The following VWCE variants were observed in gnomAD, a reference collection of about 807,000 sequenced individuals.
The protein encoded by VWCE is von Willebrand factor C and EGF domains.
VWCE carries 68 observed loss-of-function variants against 102.9 expected under a neutral mutation model. That is an observed-to-expected ratio of 0.66 (90% CI 0.54 to 0.81). VWCE has a LOEUF of 0.81. Ranked by LOEUF, VWCE falls within the 30% of genes least tolerant of loss-of-function variation. The pLI is 0.00. For missense variants in VWCE, 1,137 were observed against 1,263.6 expected (o/e 0.90, Z 1.52); for synonymous variants, 497 against 515.4 (o/e 0.96, Z 0.48).
rs779937805 is a variant in VWCE, at chr11:61,259,039, G to T, written c.2504C>A (p.Pro835Gln). Residue 835 changes from proline to glutamine, a missense_variant, in exon 20 of 20, where the codon CCA becomes CAA. Around this residue, in one of 5 missense-constraint regions of VWCE, gnomAD observed 316 missense variants for 319.3 expected, o/e 0.99. Transcript: ENST00000335613. Reference sequence around the variant, plus strand: ...TCGAGGGGAGGCCCCAGGCTCCCCTGGGAAAGTGGCTGTCAGCCCCAAAGC... The same window carrying T: ...TCGAGGGGAGGCCCCAGGCTCCCCTTGGAAAGTGGCTGTCAGCCCCAAAGC... The part of the protein sequence containing the change: ...SLALGLTATF[P>Q]GEPGASPRLS... The T allele has an allele frequency of 6.2e-7, 1 of 1,613,952 alleles. No homozygotes were observed. The highest frequency in any genetic ancestry group is 1.7e-5 in the Admixed American group (1 of 60,020).
chr11:61,267,447 C>T lies in VWCE; in HGVS notation c.1965+15G>A, dbSNP rs1854545713. 1 of 1,613,696 alleles carries T rather than the reference C, an allele frequency of 6.2e-7. No homozygotes were observed. Among genetic ancestry groups the T allele is most frequent in the Non-Finnish European group, 8.5e-7 (1 of 1,179,786 alleles). ...GAGTTTCCAGGGGCGGGAGTCAGATCTGGGTGGTCCATACCAGGCAGATGC... is the reference window on the plus strand; with the variant it reads ...GAGTTTCCAGGGGCGGGAGTCAGATTTGGGTGGTCCATACCAGGCAGATGC... On this transcript the variant is annotated intron_variant, in intron 16 of 19. Coordinates refer to ENST00000335613, the MANE Select transcript of VWCE (RefSeq NM_152718.2).
rs758446878 is a variant in VWCE, at chr11:61,281,026, G to A, written c.997C>T (p.Pro333Ser). 6 of 1,574,014 alleles carry A rather than the reference G, an allele frequency of 3.8e-6. No homozygotes were observed. The East Asian group carries it at 1.3e-4, about 35-fold the overall frequency. ...PRLPTSSPSA[P>S]VWLLSTLLAT... is the part of the protein sequence containing the mutation. The stretch of plus-strand genomic sequence containing the variant: ...AGCAGGGTGGACAGCAGCCACACAG[G>A]GGCAGAAGGGGAGGATGTGGGTAGT... The change falls in exon 8 of 20, where the codon CCT becomes TCT. Residue 333 changes from proline to serine, a missense_variant. Pro to Ser is a moderately conservative substitution (Grantham distance 74, BLOSUM62 -1). Transcript: ENST00000335613.
At chr11:61,287,137 A>T (rs1247021084) in intron 4 of VWCE, among the ~76,000 whole-genome samples, 4 of 152,112 alleles carry the variant, frequency 2.6e-5, no homozygotes. Context: ...TCTCCCTTGC[A>T]CGGCCCTCTC....
chr11:61,294,622 C>A lies in VWCE; in HGVS notation c.110+306G>T, dbSNP rs1175845243. On this transcript the variant is annotated intron_variant, in intron 1 of 19. Coordinates refer to ENST00000335613, the MANE Select transcript of VWCE (RefSeq NM_152718.2). The surrounding 1 kb of genome is among the most constrained non-coding windows in gnomAD (Gnocchi z 6.3). ...CCAGTCCGGAGACCAGATGGCACGT[C>A]CTGGGCTCCCCTCTCCAGAGGTCCG... Among the ~76,000 whole-genome samples, 2 of 152,136 alleles carry A rather than the reference C, an allele frequency of 1.3e-5. No homozygotes were observed. Among genetic ancestry groups the A allele is most frequent in the African/African-American group, 2.4e-5 (1 of 41,444 alleles).
Position 61,265,225 on chromosome 11 carries a change from G to A in VWCE, c.1966-13C>T. On this transcript the variant is annotated splice_polypyrimidine_tract_variant and intron_variant, in intron 16 of 19. Coordinates refer to ENST00000335613, the MANE Select transcript of VWCE (RefSeq NM_152718.2). Reference sequence around the variant, plus strand: ...CCACTGAGCCCAGCTGCAGGACACAGAAAACACACAAGGCCCTCGGTTCAG... The same window carrying A: ...CCACTGAGCCCAGCTGCAGGACACAAAAAACACACAAGGCCCTCGGTTCAG... 6.8e-7 allele frequency: 1 copy of A among 1,467,762 alleles called. No individual in the cohort carries two copies. Among genetic ancestry groups the A allele is most frequent in the Non-Finnish European group, 9.0e-7 (1 of 1,107,742 alleles). 90.9% of individuals were successfully genotyped at this position (1,467,762 alleles called of 1,614,324 possible).
chr11:61,280,510 A>C, intron 9 of VWCE, 114 bp downstream of exon 9: 1 of 1,092,970 alleles, frequency 9.1e-7, no homozygotes. Flanking sequence ...TGGCTTAGTA[A>C]ACCCTCCAGG....
intron 3 of VWCE, 108 bp from the exon 4 acceptor site, chr11:61,291,035 A>AC: frequency 6.7e-7 from 1 of 1,491,376 alleles, no homozygotes; most frequent in South Asian, 1.3e-5. Flanking sequence ...CTGAAGGCAA[A>AC]CAGGCCTGGG....
chr11:61,264,868 G>T, intron 18 of VWCE, 88 bp downstream of exon 18: 1 of 1,418,906 alleles, frequency 7.0e-7, no homozygotes, highest in Non-Finnish European at 9.8e-7. Flanking sequence ...ATTTATGCTG[G>T]CTAAAGGGCT....
At position 61,258,837 on chromosome 11, in the gene VWCE, G is replaced by C; in HGVS notation, c.2706C>G (p.Ser902=). 2 of 1,515,776 alleles carry C rather than the reference G, an allele frequency of 1.3e-6. No homozygotes were observed. The highest frequency in any genetic ancestry group is 1.8e-6 in the Non-Finnish European group (2 of 1,134,490). 93.9% of individuals were successfully genotyped at this position (1,515,776 alleles called of 1,614,324 possible). The change falls in exon 20 of 20, where the codon TCC becomes TCG. Residue 902 remains serine, a synonymous_variant. Transcript: ENST00000335613. The part of the protein sequence containing the change: ...GTLLTEASAL[S]MMDPSPSKTP... ...TCTTCGAGGGGCTGGGGTCCATCAT[G>C]GAAAGTGCTGAAGCTTCCGTCAGGA... is the stretch of plus-strand genomic sequence containing the variant.
intron 19 of VWCE, among the ~76,000 whole-genome samples, chr11:61,261,280 A>G (rs1344498326): frequency 6.6e-6 from 1 of 152,194 alleles, no homozygotes; most frequent in East Asian, 1.9e-4. Flanking sequence ...GACGTTGTCA[A>G]GCACATAAAA....
At chr11:61,281,647 G>A (rs1329691088) in intron 7 of VWCE, 139 bp downstream of exon 7, 4 of 1,198,200 alleles carry the variant, frequency 3.3e-6, no homozygotes, top group Non-Finnish European at 3.4e-6. Flanking sequence ...GCCGGGGTAG[G>A]GCGGGGCCAG....
chr11:61,278,417 T>C lies in VWCE; in HGVS notation c.1384A>G (p.Asn462Asp), dbSNP rs199741525. 1.2e-6 allele frequency: 2 copies of C among 1,614,122 alleles called. No homozygotes were observed. The highest frequency in any genetic ancestry group is 1.7e-6 in the Non-Finnish European group (2 of 1,180,012). The change falls in exon 10 of 20, where the codon AAC (asparagine) becomes GAC (aspartate). Residue 462 changes from asparagine to aspartate, a missense_variant. By Grantham distance (23) the Asn-to-Asp change is conservative. Transcript: ENST00000335613. ...EGDVFSPPNE[N>D]CTVCVCLAGN... is the part of the protein sequence containing the mutation. ...ACCAGACAGACACAGACGGTGCAGT[T>C]CTCATTGGGAGGTGAAAACACATCC...
rs1184892296 is a variant in VWCE, at chr11:61,261,748, T to G, written c.2231-2436A>C. Among the ~76,000 whole-genome samples the G allele has an allele frequency of 4.0e-5, 6 of 148,994 alleles. No individual in the cohort carries two copies. The South Asian group carries it at 1.3e-3, about 32-fold the overall frequency. ...TTGAGCCCAGGGGTCGAGGCTGCAGTGAGCTGTGATCGCACCACTGCACTC... is the reference window on the plus strand; with the variant it reads ...TTGAGCCCAGGGGTCGAGGCTGCAGGGAGCTGTGATCGCACCACTGCACTC... On this transcript the variant is annotated intron_variant, in intron 19 of 19. Coordinates refer to ENST00000335613, the MANE Select transcript of VWCE (RefSeq NM_152718.2).
intron 14 of VWCE, among the ~76,000 whole-genome samples, chr11:61,269,791 G>C (rs1854620661): frequency 6.6e-6 from 1 of 151,936 alleles, no homozygotes; most frequent in Admixed American, 6.6e-5. Flanking sequence ...CTGACAGTTT[G>C]AACCTTTTGT....
At position 61,294,561 on chromosome 11, in the gene VWCE, C is replaced by G. The variant is rs778566594; in HGVS notation, c.110+367G>C. 6.6e-6 allele frequency among the ~76,000 whole-genome samples: 1 copy of G among 152,146 alleles called. No homozygotes were observed. The highest frequency in any genetic ancestry group is 1.5e-5 in the Non-Finnish European group (1 of 68,016). On this transcript the variant is annotated intron_variant, in intron 1 of 19. Coordinates refer to ENST00000335613, the MANE Select transcript of VWCE (RefSeq NM_152718.2). The surrounding 1 kb of genome is among the most constrained non-coding windows in gnomAD (Gnocchi z 6.3). Reference sequence around the variant, plus strand: ...GCGGCAGGGGAGGCCAGGCGCTGCCCGGGCAGAGCCACGGGCACGCTGGGG... The same window carrying G: ...GCGGCAGGGGAGGCCAGGCGCTGCCGGGGCAGAGCCACGGGCACGCTGGGG...
At chr11:61,273,345 G>GAGGGC in intron 12 of VWCE, 29 bp from the exon 13 acceptor site, 1 of 1,590,026 alleles carries the variant, frequency 6.3e-7, no homozygotes, top group Non-Finnish European at 8.6e-7. Context: ...ACAGAATGAT[G>GAGGGC]AGGGCGGCAC....
rs755862035 is a variant in VWCE at position 61,259,324 on chromosome 11, A to G, written c.2231-12T>C. ...AGGAGACAGGGAATCTAGAGAGACG[A>G]GGGTGAAACGAGATGCACAATGGCT... On this transcript the variant is annotated splice_polypyrimidine_tract_variant and intron_variant, in intron 19 of 19. Coordinates refer to ENST00000335613, the MANE Select transcript of VWCE (RefSeq NM_152718.2). 1.9e-6 allele frequency: 3 copies of G among 1,556,892 alleles called. No homozygotes were observed. The highest frequency in any genetic ancestry group is 2.2e-5 in the East Asian group (1 of 44,466).
intron 15 of VWCE, 99 bp from the exon 16 acceptor site, chr11:61,267,643 G>T (rs1350567043): frequency 2.7e-6 from 3 of 1,111,698 alleles, no homozygotes; most frequent in Non-Finnish European, 4.1e-6. Flanking sequence ...TGGCAAAGGG[G>T]AGGCCATGTG....
chr11:61,286,412 GT>G lies in VWCE; in HGVS notation c.442del (p.Thr148ProfsTer9). 6.2e-7 allele frequency: 1 copy of G among 1,612,536 alleles called. No homozygotes were observed. The highest frequency in any genetic ancestry group is 1.1e-5 in the South Asian group (1 of 91,076). The stretch of plus-strand genomic sequence containing the variant: ...CACACAGTGGCCCTCGCAGGAGGAG[GT>G]TACACATTCGTCAATGTCTGGAAAG... Reference protein sequence around the residue: ...IRCTDIDECVTSSCEGHCVNT... With the variant: ...IRCTDIDECVXSSCEGHCVNT... On this transcript the variant is annotated frameshift_variant, in exon 5 of 20. Coordinates refer to ENST00000335613, the MANE Select transcript of VWCE (RefSeq NM_152718.2). LOFTEE classifies it high-confidence loss of function.
Sources: allele counts gnomAD v4.1 joint callset (sites outside exome capture counted in the v4.1 genomes callset), GRCh38; gene constraint gnomAD v4.1.1; regional missense constraint gnomAD v4.1.1; non-coding constraint Gnocchi (gnomAD v3.1); transcripts MANE v1.5; gene names NCBI Gene and HGNC (gene_info 2026-07-23, HGNC 2026-07-21).